NT5DC2: variants seen among roughly 807,000 people sequenced by gnomAD.
The protein encoded by NT5DC2 is 5'-nucleotidase domain containing 2.
Under a neutral mutation model 70.0 loss-of-function variants are expected in NT5DC2, and 41 were observed. That is an observed-to-expected ratio of 0.59 (90% CI 0.46 to 0.76). NT5DC2 has a LOEUF of 0.76. NT5DC2 is among the 30% of genes least tolerant of loss of function. The pLI is 0.00. For synonymous variants in NT5DC2, 299 were observed against 310.4 expected, an observed-to-expected ratio of 0.96 and a Z score of 0.39; for missense variants, 705 against 783.2, an observed-to-expected ratio of 0.90 and a Z score of 1.19.
At chr3:52,533,125 T>C (rs2079382710) in intron 1 of NT5DC2, among the ~76,000 whole-genome samples, 2 of 151,840 alleles carry the variant, frequency 1.3e-5, no homozygotes, top group African/African-American at 4.8e-5. Flanking sequence ...GCTGGCTTTG[T>C]CCACAGCACT....
At chr3:52,527,067 G>C (rs1157679385) in intron 10 of NT5DC2, among the ~76,000 whole-genome samples, 1 of 152,216 alleles carries the variant, frequency 6.6e-6, no homozygotes. Flanking sequence ...ACCAGGCCAG[G>C]CTCCCTCTGC....
At chr3:52,525,378 C>A in intron 10 of NT5DC2, 83 bp from the exon 11 acceptor site, 2 of 1,061,856 alleles carry the variant, frequency 1.9e-6, no homozygotes, top group East Asian at 2.5e-5. Context: ...AGAGGCAGCC[C>A]AAATCCAGCC....
At position 52,528,708 on chromosome 3, in the gene NT5DC2, A is replaced by T; in HGVS notation, c.493-16T>A. ...TCAGAAGGCTCTGGGGGCGCCAGGGAGGCAGGACGGATGGTGAGGAGGCAG... is the reference window on the plus strand; with the variant it reads ...TCAGAAGGCTCTGGGGGCGCCAGGGTGGCAGGACGGATGGTGAGGAGGCAG... On this transcript the variant is annotated splice_polypyrimidine_tract_variant and intron_variant, in intron 3 of 13. Coordinates refer to ENST00000422318, the MANE Select transcript of NT5DC2 (RefSeq NM_001134231.2). The T allele has an allele frequency of 6.2e-7, 1 of 1,605,282 alleles. No individual in the cohort carries two copies. The highest frequency in any genetic ancestry group is 8.5e-7 in the Non-Finnish European group (1 of 1,176,070).
rs757390505 is a variant in NT5DC2 at position 52,525,253 on chromosome 3, G to C, written c.1162C>G (p.Pro388Ala). 24 of 1,612,726 alleles carry C rather than the reference G, an allele frequency of 1.5e-5. No individual in the cohort carries two copies. The highest frequency in any genetic ancestry group is 1.9e-5 in the Non-Finnish European group (23 of 1,179,964). The change falls in exon 11 of 14, where the codon CCC (proline) becomes GCC (alanine). Residue 388 changes from proline to alanine, a missense_variant. Coordinates refer to ENST00000422318, the MANE Select transcript of NT5DC2 (RefSeq NM_001134231.2). ...DFLRLTEWRG[P>A]RVLYFGDHLY... ...TGGTCCCCGAAGTAGAGCACGCGGG[G>C]GCCACGCCATTCCGTCAAGCGTAAG...
chr3:52,534,169 T>G, upstream of NT5DC2: 2 of 312,570 alleles, frequency 6.4e-6, no homozygotes, highest in Non-Finnish European at 1.2e-5. Context: ...GGCCCCCGGG[T>G]CCTCTGCCGC....
chr3:52,532,934 C>T (rs1339458351), intron 1 of NT5DC2, among the ~76,000 whole-genome samples: 1 of 152,140 alleles, frequency 6.6e-6, no homozygotes, highest in Non-Finnish European at 1.5e-5. Context: ...AGGTTAAGTG[C>T]CCTTTGCAGC....
upstream of NT5DC2, chr3:52,534,933 G>A (rs558280090): frequency 2.6e-4 from 111 of 423,654 alleles, no homozygotes; most frequent in South Asian, 2.6e-3. Context: ...CAGGGCCCCA[G>A]TGAGCAAGTG....
Position 52,529,428 on chromosome 3 carries a change from A to C in NT5DC2, c.233-94T>G. The C allele has an allele frequency of 8.1e-7, 1 of 1,232,096 alleles. No homozygotes were observed. Among genetic ancestry groups the C allele is most frequent in the Non-Finnish European group, 1.1e-6 (1 of 871,920 alleles). The allele number at this position is 1,232,096 out of a possible 1,614,324, so 76.3% of individuals were successfully genotyped here. On this transcript the variant is annotated intron_variant, in intron 1 of 13. Coordinates refer to ENST00000422318, the MANE Select transcript of NT5DC2 (RefSeq NM_001134231.2). This position sits in a 1 kb window ranked among gnomAD's most constrained non-coding sequence, Gnocchi z 4.1. ...CACTCTGTGGGGACCTAGCCCTGTG[A>C]GCCTCAGAAACGCCCCACAATGGCA...
rs1484364361 is a variant in NT5DC2 at position 52,525,096 on chromosome 3, A to ATGAGAT, written c.1208_1213dup (p.Leu404_Met405insAsnLeu). ...GCCTGTGCGCCAGCCGTGCCGCAGC[A>ATGAGAT]TGAGATCCTGGTGGGTGGGGCGGCA... On this transcript the variant is annotated inframe_insertion, in exon 12 of 14. Transcript: ENST00000422318. The ATGAGAT allele has an allele frequency of 7.4e-7, 1 of 1,355,942 alleles. No individual in the cohort carries two copies. The highest frequency in any genetic ancestry group is 1.2e-5 in the South Asian group (1 of 84,234). 84.0% of individuals were successfully genotyped at this position (1,355,942 alleles called of 1,614,324 possible). A position where few individuals can be genotyped will look rare whatever the true frequency, so the allele number is the denominator to read the frequency against.
In NT5DC2 at chr3:52,525,268, T is replaced by C; in HGVS notation, c.1147A>G (p.Thr383Ala). ...AGCACGCGGGGGCCACGCCATTCCG[T>C]CAAGCGTAAGAAGTCAAACAGGTTT... ...QGNLFDFLRL[T>A]EWRGPRVLYF... The change falls in exon 11 of 14, where the codon ACG (threonine) becomes GCG (alanine). Residue 383 changes from threonine (T) to alanine (A), a missense_variant. By Grantham distance (58) the Thr-to-Ala change is moderately conservative. Coordinates refer to ENST00000422318, the MANE Select transcript of NT5DC2 (RefSeq NM_001134231.2). 1 of 1,612,618 alleles carries C rather than the reference T, an allele frequency of 6.2e-7. No homozygotes were observed. The highest frequency in any genetic ancestry group is 8.5e-7 in the Non-Finnish European group (1 of 1,179,896).
In NT5DC2 at chr3:52,524,951, C is replaced by A. The variant is rs2079226429; in HGVS notation, c.1347+12G>T. ...ACCGCCCTGGCCCTCCCACAGCCAC[C>A]CCGGCCCACACCTGCATGCGCTCCA... On this transcript the variant is annotated intron_variant, in intron 12 of 13. Transcript: ENST00000422318. 1 of 1,612,124 alleles carries A rather than the reference C, an allele frequency of 6.2e-7. No individual in the cohort carries two copies. The highest frequency in any genetic ancestry group is 8.5e-7 in the Non-Finnish European group (1 of 1,179,798).
chr3:52,527,669 C>G lies in NT5DC2; in HGVS notation c.985G>C (p.Asp329His). 1 of 1,613,238 alleles carries G rather than the reference C, an allele frequency of 6.2e-7. No individual in the cohort carries two copies. Among genetic ancestry groups the G allele is most frequent in the Non-Finnish European group, 8.5e-7 (1 of 1,180,026 alleles). The change falls in exon 9 of 14, where the codon GAT (aspartate) becomes CAT (histidine). Residue 329 changes from aspartate to histidine, a missense_variant. Coordinates refer to ENST00000422318, the MANE Select transcript of NT5DC2 (RefSeq NM_001134231.2). ...TTGTCTGCCTGGACAATGACCACAT[C>G]GAAGAGCTGGCGCCAATCGGGACCC... The part of the protein sequence containing the change: ...MVGPDWRQLF[D>H]VVIVQADKPS...
chr3:52,532,194 T>C (rs1363867110), intron 1 of NT5DC2: 8 of 985,310 alleles, frequency 8.1e-6, no homozygotes, highest in Non-Finnish European at 9.6e-6. Context: ...ACTTTGCTCC[T>C]TGTATGACAA....
chr3:52,527,990 G>A (rs2079303562), intron 7 of NT5DC2, 23 bp downstream of exon 7: 3 of 1,612,872 alleles, frequency 1.9e-6, no homozygotes, highest in Non-Finnish European at 2.5e-6. Context: ...GCCGGCCACG[G>A]CAGGGCTTCT....
chr3:52,526,962 C>T (rs745342707), intron 10 of NT5DC2, among the ~76,000 whole-genome samples: 54 of 152,366 alleles, frequency 3.5e-4, no homozygotes, highest in African/African-American at 1.0e-3. Flanking sequence ...CGGTGCCTGG[C>T]GCACTGGCCA....
Position 52,533,803 on chromosome 3 carries a change from C to T in NT5DC2, c.-66G>A, listed in dbSNP as rs183793563. The T allele has an allele frequency of 0.018, 17,818 of 977,978 alleles. 167 individuals carry two copies. The highest frequency in any genetic ancestry group is 0.031 in the South Asian group (682 of 21,918). 60.6% of individuals were successfully genotyped at this position (977,978 alleles called of 1,614,324 possible). On this transcript the variant is annotated 5_prime_UTR_variant, in exon 1 of 14. Transcript: ENST00000422318. ...AGCCCGCCGCCCGCCGCCCGCCGCC[C>T]TCCGACTGCGCGCCCGCCACGGTGG...
chr3:52,528,770 T>C (rs754393003), intron 3 of NT5DC2, 78 bp from the exon 4 acceptor site: 7 of 1,604,550 alleles, frequency 4.4e-6, no homozygotes, highest in African/African-American at 1.3e-5. Flanking sequence ...TTTCAGCCCA[T>C]GCCAGAACCC....
upstream of NT5DC2, chr3:52,534,429 C>T: frequency 1.3e-6 from 2 of 1,587,284 alleles, no homozygotes; most frequent in South Asian, 1.1e-5. Context: ...GCCTGCAGGG[C>T]AGCCGACGTC....
At chr3:52,527,973 T>A in intron 7 of NT5DC2, 40 bp downstream of exon 7, 4 of 1,613,372 alleles carry the variant, frequency 2.5e-6, no homozygotes, top group Non-Finnish European at 3.4e-6. Context: ...TCCTGCCACC[T>A]GCTCAGGCCG....
Sources: allele counts gnomAD v4.1 joint callset (sites outside exome capture counted in the v4.1 genomes callset), GRCh38; gene constraint gnomAD v4.1.1; non-coding constraint Gnocchi (gnomAD v3.1); transcripts MANE v1.5; gene names NCBI Gene and HGNC (gene_info 2026-07-23, HGNC 2026-07-21).